RBM26: variants seen among roughly 807,000 people sequenced by gnomAD.
The protein encoded by RBM26 is RNA-binding protein 26.
In RBM26, 30 loss-of-function variants were observed where a neutral mutation model predicts 123.6. That is an observed-to-expected ratio of 0.24 (90% CI 0.18 to 0.33). The LOEUF (loss-of-function observed/expected upper bound fraction) is 0.33, where lower values mean the gene tolerates loss of function less well. Among genes scored for constraint, RBM26 ranks in the 10% least tolerant of loss-of-function variants. The pLI is 1.00. For missense variants in RBM26, 947 were observed against 1,203.6 expected (o/e 0.79, Z 3.15); for synonymous variants, 400 against 404.4 (o/e 0.99, Z 0.13).
At chr13:79,360,200 T>C (rs1053227533) in intron 9 of RBM26, among the ~76,000 whole-genome samples, 1 of 152,128 alleles carries the variant, frequency 6.6e-6, no homozygotes, top group African/African-American at 2.4e-5. Context: ...TGAAACTTTA[T>C]CACAGGTGTG....
At chr13:79,378,136 A>G (rs2076798103) in intron 2 of RBM26, among the ~76,000 whole-genome samples, 1 of 152,182 alleles carries the variant, frequency 6.6e-6, no homozygotes, top group African/African-American at 2.4e-5. Context: ...CACAAACACT[A>G]TCATAATCTA....
At chr13:79,351,092 T>G (rs1209435716) in intron 14 of RBM26, among the ~76,000 whole-genome samples, 1 of 152,174 alleles carries the variant, frequency 6.6e-6, no homozygotes, top group Non-Finnish European at 1.5e-5. Context: ...AGTCTATGCA[T>G]TAGTAAAGTT....
At chr13:79,396,286 CATAAAA>C (rs796899346) in intron 1 of RBM26, among the ~76,000 whole-genome samples, 96 of 151,664 alleles carry the variant, frequency 6.3e-4, no homozygotes, top group African/African-American at 2.0e-3. Flanking sequence ...AAAAGGGAAT[CATAAAA>C]ATAAAACACT....
chr13:79,364,954 TA>T (rs1488739760), intron 9 of RBM26, among the ~76,000 whole-genome samples: 1 of 152,084 alleles, frequency 6.6e-6, no homozygotes, highest in African/African-American at 2.4e-5. Context: ...ATTAAAGCGT[TA>T]CTCTCAAGAT....
chr13:79,316,991 A>T (rs1236846380), downstream of RBM26, among the ~76,000 whole-genome samples: 2 of 151,100 alleles, frequency 1.3e-5, no homozygotes, highest in African/African-American at 4.9e-5. Flanking sequence ...TTTTTTTTTT[A>T]AAAAAGAGTA....
Position 79,366,623 on chromosome 13 carries a change from A to G in RBM26, c.1135+10T>C. On this transcript the variant is annotated intron_variant, in intron 7 of 21. Coordinates refer to ENST00000438737, the MANE Select transcript of RBM26 (RefSeq NM_001366735.2). The stretch of plus-strand genomic sequence containing the variant: ...TAGATAAATACAGGGAAACAAACAG[A>G]TTTACTTACCTGTAACAGGTGGGAG... 3 of 1,521,598 alleles carry G rather than the reference A, an allele frequency of 2.0e-6. No homozygotes were observed. Among genetic ancestry groups the G allele is most frequent in the Non-Finnish European group, 2.6e-6 (3 of 1,135,306 alleles). 94.3% of individuals were successfully genotyped at this position (1,521,598 alleles called of 1,614,324 possible). A position where few individuals can be genotyped will look rare whatever the true frequency, so the allele number is the denominator to read the frequency against.
At chr13:79,396,587 CATTGATTTTATAACCAA>C (rs1257411596) in intron 1 of RBM26, among the ~76,000 whole-genome samples, 1 of 151,998 alleles carries the variant, frequency 6.6e-6, no homozygotes, top group African/African-American at 2.4e-5. Flanking sequence ...CTATTAAAGA[CATTGATTTTATAACCAA>C]AAAATCCTCA....
chr13:79,363,375 A>G lies in RBM26; in HGVS notation c.1417+2203T>C, dbSNP rs1566457076. Among the ~76,000 whole-genome samples, 4 of 152,208 alleles carry G rather than the reference A, an allele frequency of 2.6e-5. 1 individual carries two copies. The highest frequency in any genetic ancestry group is 2.0e-4 in the Admixed American group (3 of 15,284). On this transcript the variant is annotated intron_variant, in intron 9 of 21. Transcript: ENST00000438737. The stretch of plus-strand genomic sequence containing the variant: ...TAAATTTAAAATCCAAACTGGGAAT[A>G]GATGAGAACACATGGTGGGAGGAGG...
intron 1 of RBM26, among the ~76,000 whole-genome samples, chr13:79,398,917 A>G (rs2078825037): frequency 6.6e-6 from 1 of 152,336 alleles, no homozygotes; most frequent in South Asian, 2.1e-4. Flanking sequence ...CGCATTTAAT[A>G]ATCAGGTATA....
At chr13:79,336,101 AAT>A (rs1283544469) in intron 19 of RBM26, among the ~76,000 whole-genome samples, 5 of 152,172 alleles carry the variant, frequency 3.3e-5, no homozygotes, top group Non-Finnish European at 5.9e-5. Context: ...GCAAGCCTCC[AAT>A]ATGATTTTTA....
At chr13:79,394,368 C>G (rs1480171964) in intron 1 of RBM26, among the ~76,000 whole-genome samples, 30 of 152,152 alleles carry the variant, frequency 2.0e-4, no homozygotes, top group Admixed American at 2.0e-3. Context: ...AATTCTTCTG[C>G]CATTTGCGAG....
At chr13:79,348,228 T>C (rs1395916608) in intron 14 of RBM26, among the ~76,000 whole-genome samples, 14 of 152,146 alleles carry the variant, frequency 9.2e-5, no homozygotes, top group Admixed American at 7.9e-4. Flanking sequence ...TCCTTTCTTA[T>C]AGTATATTGT....
downstream of RBM26, chr13:79,315,053 G>C: frequency 1.0e-6 from 1 of 1,003,054 alleles, no homozygotes; most frequent in Non-Finnish European, 1.4e-6. Flanking sequence ...TCTAAAACTT[G>C]AATCACATCA....
intron 3 of RBM26, among the ~76,000 whole-genome samples, chr13:79,374,172 G>A (rs8001822): frequency 1 from 151,994 of 152,258 alleles, 75,866 homozygotes; most frequent in East Asian, 1. Context: ...CTGACTGTCA[G>A]AATGTACCAC....
In RBM26 at chr13:79,366,062, A is replaced by G. The variant is rs1412653768; in HGVS notation, c.1269T>C (p.Phe423=). 2.5e-6 allele frequency: 4 copies of G among 1,613,694 alleles called. No homozygotes were observed. The highest frequency in any genetic ancestry group is 2.7e-5 in the African/African-American group (2 of 75,018). Residue 423 remains phenylalanine, a synonymous_variant, in exon 8 of 22, where the codon TTT becomes TTC. Transcript: ENST00000438737. Reference sequence around the variant, plus strand: ...AAAGGGCCAAAACTGCACCTGCAGTAAAAAGAGAGGGTGGAGCAGGAGGAG... The same window carrying G: ...AAAGGGCCAAAACTGCACCTGCAGTGAAAAGAGAGGGTGGAGCAGGAGGAG... ...HQPPPAPPSL[F]TADTYDTDGY...
rs1423248638 is a variant in RBM26 at position 79,344,804 on chromosome 13, C to T, written c.2059-10G>A. 9.3e-6 allele frequency: 15 copies of T among 1,606,564 alleles called. No homozygotes were observed. The East Asian group carries it at 3.1e-4, about 34-fold the overall frequency. The stretch of plus-strand genomic sequence containing the variant: ...TAGATGTAGACAACACCTACCAATA[C>T]AAATTCAACTTTTAAAAATATATAT... On this transcript the variant is annotated splice_polypyrimidine_tract_variant and intron_variant, in intron 14 of 21. Coordinates refer to ENST00000438737, the MANE Select transcript of RBM26 (RefSeq NM_001366735.2).
chr13:79,376,372 T>A (rs1192444583), intron 3 of RBM26: 4 of 152,224 alleles, frequency 2.6e-5, no homozygotes, highest in African/African-American at 7.2e-5. Context: ...ATTTTAAAAT[T>A]TTTTTCATAA....
At chr13:79,373,294 A>C (rs1324196724) in intron 3 of RBM26, among the ~76,000 whole-genome samples, 1 of 108,630 alleles carries the variant, frequency 9.2e-6, no homozygotes, top group Non-Finnish European at 1.7e-5. Flanking sequence ...ATTTATATAT[A>C]AATATATAAA....
intron 2 of RBM26, 92 bp from the exon 3 acceptor site, chr13:79,377,607 T>C (rs2076754675): frequency 1.5e-5 from 15 of 999,350 alleles, no homozygotes; most frequent in Non-Finnish European, 2.1e-5. Context: ...TGATGAAACA[T>C]ACCTTGACTT....
Sources: gnomAD v4.1 joint callset for allele counts (sites outside exome capture counted in the v4.1 genomes callset) on GRCh38, gnomAD v4.1.1 for gene constraint, MANE v1.5 for transcripts, NCBI Gene and HGNC (gene_info 2026-07-23, HGNC 2026-07-21) for gene names.